Variants in MYOCD observed in about 807,000 individuals in gnomAD.
MYOCD encodes myocardin.
A neutral mutation model predicts 96.1 loss-of-function variants in MYOCD; 32 were observed. That is an observed-to-expected ratio of 0.33 (90% CI 0.25 to 0.45). The LOEUF is 0.45. Ranked by LOEUF, MYOCD falls within the 20% of genes least tolerant of loss-of-function variation. MYOCD has a pLI of 1.00. For missense variants in MYOCD, 1,133 were observed against 1,200.6 expected (o/e 0.94, Z 0.83); for synonymous variants, 469 against 469.0 (o/e 1.00, Z 0.00).
chr17:12,725,895 C>T (rs961496394), intron 5 of MYOCD, among the ~76,000 whole-genome samples: 7 of 152,130 alleles, frequency 4.6e-5, no homozygotes, highest in South Asian at 2.1e-4. Context: ...TTTTTTTAAA[C>T]GCTTTTAAAG....
intron 1 of MYOCD, among the ~76,000 whole-genome samples, chr17:12,695,983 C>G (rs988035743): frequency 2.5e-4 from 38 of 151,960 alleles, no homozygotes; most frequent in African/African-American, 7.7e-4. Flanking sequence ...AGCATCATGT[C>G]TTCAAGTTTC....
chr17:12,719,889 T>A lies in MYOCD; in HGVS notation c.253+2468T>A, dbSNP rs901927267. On this transcript the variant is annotated intron_variant, in intron 4 of 13. Transcript: ENST00000425538. ...TCTCAAAAAAAAAAAAAAAAAAAAA[T>A]TTTAGGCAGCTAGAAAGGGTAAAAG... 1.5e-3 allele frequency among the ~76,000 whole-genome samples: 190 copies of A among 125,354 alleles called. 1 individual carries two copies. Among genetic ancestry groups the A allele is most frequent in the African/African-American group, 4.2e-3 (154 of 36,818 alleles). 82.2% of individuals were successfully genotyped at this position (125,354 alleles called of 152,430 possible).
chr17:12,737,631 C>A (rs1023256889), intron 6 of MYOCD, among the ~76,000 whole-genome samples: 1 of 152,210 alleles, frequency 6.6e-6, no homozygotes, highest in African/African-American at 2.4e-5. Context: ...CCTTCAGACC[C>A]TCAGCCCCTT....
At chr17:12,731,451 G>A (rs1355494286) in intron 5 of MYOCD, among the ~76,000 whole-genome samples, 2 of 152,106 alleles carry the variant, frequency 1.3e-5, no homozygotes, top group African/African-American at 2.4e-5. Flanking sequence ...ACTGCCTCCC[G>A]GGTGGTCTGT....
rs761497975 is a variant in MYOCD, at chr17:12,736,259, C to T, written c.514C>T (p.Pro172Ser). 5 of 1,614,030 alleles carry T rather than the reference C, an allele frequency of 3.1e-6. No homozygotes were observed. The highest frequency in any genetic ancestry group is 1.6e-4 in the Middle Eastern group (1 of 6,084). The change falls in exon 6 of 14, where the codon CCC becomes TCC. Residue 172 changes from proline to serine, a missense_variant. Transcript: ENST00000425538. ...LSPDQTRSED[P>S]QNSAGSPPDA... ...TCCGGATCAGACTCGAAGTGAAGAC[C>T]CCCAAAACTCAGCGGGATCCCCGCC...
intron 4 of MYOCD, among the ~76,000 whole-genome samples, chr17:12,718,369 T>C (rs186921662): frequency 2.0e-3 from 298 of 152,246 alleles, no homozygotes; most frequent in Middle Eastern, 6.8e-3. Flanking sequence ...ACGTGAGGGC[T>C]GAGCCAGGTA....
intron 1 of MYOCD, among the ~76,000 whole-genome samples, chr17:12,702,327 A>G (rs1337002733): frequency 6.6e-6 from 1 of 151,970 alleles, no homozygotes; most frequent in Non-Finnish European, 1.5e-5. Context: ...AATAGACTTG[A>G]TGTCTATTTT....
At chr17:12,752,274 A>G in intron 9 of MYOCD, 140 bp from the exon 10 acceptor site, 1 of 698,560 alleles carries the variant, frequency 1.4e-6, no homozygotes, top group South Asian at 2.0e-5. Context: ...GGGGTAGGAG[A>G]GGAAATCGGA....
intron 1 of MYOCD, among the ~76,000 whole-genome samples, chr17:12,698,357 C>T (rs2030880932): frequency 6.6e-6 from 1 of 152,116 alleles, no homozygotes; most frequent in Non-Finnish European, 1.5e-5. Context: ...ATGCAAGCAA[C>T]ATTTTTGCAT....
chr17:12,684,845 CAAA>C (rs1190970523), intron 1 of MYOCD, among the ~76,000 whole-genome samples: 3 of 66,314 alleles, frequency 4.5e-5, no homozygotes, highest in East Asian at 4.7e-4. Context: ...GAATTCGTCT[CAAA>C]AAAAAAAAAA....
chr17:12,688,548 CTTCTTCCTTCCTTCCTTCCT>C (rs1454721088), intron 1 of MYOCD, among the ~76,000 whole-genome samples: 106 of 98,968 alleles, frequency 1.1e-3, no homozygotes, highest in African/African-American at 5.3e-3. Context: ...TTCCTTCCAT[CTTCTTCCTTCCTTCCTTCCT>C]TCCATCTCCG....
At chr17:12,714,323 G>GCACGCACACACA (rs2031569649) in intron 2 of MYOCD, among the ~76,000 whole-genome samples, 1 of 136,052 alleles carries the variant, frequency 7.4e-6, no homozygotes, top group Admixed American at 7.5e-5. Context: ...TGAGGCACGT[G>GCACGCACACACA]CACACACACA....
At chr17:12,716,442 C>T (rs917927365) in intron 3 of MYOCD, among the ~76,000 whole-genome samples, 1 of 152,088 alleles carries the variant, frequency 6.6e-6, no homozygotes, top group Non-Finnish European at 1.5e-5. Context: ...CAGTGTTGGC[C>T]CTCCCACAGC....
At chr17:12,702,099 A>AT (rs1467360546) in intron 1 of MYOCD, among the ~76,000 whole-genome samples, 1 of 152,014 alleles carries the variant, frequency 6.6e-6, no homozygotes, top group Non-Finnish European at 1.5e-5. Context: ...TGTCATTAGT[A>AT]TTTTTTTAAA....
rs1362926104 is a variant in MYOCD, at chr17:12,758,199, G to A, written c.2317G>A (p.Asp773Asn). Residue 773 changes from aspartate (D) to asparagine (N), a missense_variant, in exon 12 of 14, where the codon GAT becomes AAT. Asp to Asn is a conservative substitution (Grantham distance 23, BLOSUM62 1). Coordinates refer to ENST00000425538, the MANE Select transcript of MYOCD (RefSeq NM_001146312.3). ...SEVTQPPSYE[D>N]AVKQQMTRSQ... ...GGTAACACAGCCTCCATCCTATGAA[G>A]ATGCCGTAAAGCAGGTAACCATGTG... 6.2e-7 allele frequency: 1 copy of A among 1,614,024 alleles called. No homozygotes were observed. The highest frequency in any genetic ancestry group is 8.5e-7 in the Non-Finnish European group (1 of 1,179,908).
chr17:12,738,598 G>A (rs533407544), intron 6 of MYOCD, among the ~76,000 whole-genome samples: 28 of 151,386 alleles, frequency 1.8e-4, no homozygotes, highest in East Asian at 3.9e-4. Flanking sequence ...TCATAAGCAC[G>A]CATGCACGTA....
chr17:12,699,843 T>C (rs2030972310), intron 1 of MYOCD, among the ~76,000 whole-genome samples: 1 of 151,210 alleles, frequency 6.6e-6, no homozygotes, highest in African/African-American at 2.4e-5. Flanking sequence ...TTGCAACATA[T>C]CCAAAGATCC....
intron 5 of MYOCD, 60 bp from the exon 6 acceptor site, chr17:12,736,101 C>A: frequency 6.9e-7 from 1 of 1,446,270 alleles, no homozygotes; most frequent in Non-Finnish European, 9.6e-7. Flanking sequence ...GAAGCATTTC[C>A]AAAAATGCCC....
intron 10 of MYOCD, among the ~76,000 whole-genome samples, chr17:12,755,696 A>T (rs1452341050): frequency 1.3e-5 from 2 of 152,100 alleles, no homozygotes; most frequent in Admixed American, 1.3e-4. Context: ...ATATGGTGAG[A>T]CCCCATCTCT....
Sources: allele counts gnomAD v4.1 joint callset (sites outside exome capture counted in the v4.1 genomes callset), GRCh38; gene constraint gnomAD v4.1.1; transcripts MANE v1.5; gene names NCBI Gene and HGNC (gene_info 2026-07-23, HGNC 2026-07-21).